PDIA4: variants seen among roughly 807,000 people sequenced by gnomAD.
PDIA4 encodes protein disulfide-isomerase A4.
A neutral mutation model predicts 62.1 loss-of-function variants in PDIA4; 33 were observed. That is an observed-to-expected ratio of 0.53 (90% CI 0.40 to 0.71). The LOEUF (loss-of-function observed/expected upper bound fraction) is 0.71, where lower values mean the gene tolerates loss of function less well. PDIA4 is among the 30% of genes least tolerant of loss of function. PDIA4 has a pLI of 0.00. For missense variants in PDIA4, 804 were observed against 813.6 expected (o/e 0.99, Z 0.14); for synonymous variants, 341 against 324.1 (o/e 1.05, Z -0.56).
At chr7:149,008,785 A>G (rs1404025476) in intron 6 of PDIA4, among the ~76,000 whole-genome samples, 2 of 152,044 alleles carry the variant, frequency 1.3e-5, no homozygotes, top group African/African-American at 4.8e-5. Context: ...CCTATAACTT[A>G]AACACTTGAA....
At chr7:149,020,597 G>A (rs1350987340) in intron 2 of PDIA4, among the ~76,000 whole-genome samples, 3 of 152,190 alleles carry the variant, frequency 2.0e-5, no homozygotes, top group African/African-American at 7.2e-5. Context: ...GAGGGAAGAG[G>A]AAGGCAGGGT....
chr7:149,015,101 C>T, intron 3 of PDIA4, 59 bp from the exon 4 acceptor site: 1 of 1,580,464 alleles, frequency 6.3e-7, no homozygotes, highest in Non-Finnish European at 8.7e-7. Flanking sequence ...CACTTCACCT[C>T]CCTCCAGAAG....
intron 2 of PDIA4, 122 bp downstream of exon 2, chr7:149,020,845 G>C (rs1824320158): frequency 1.4e-6 from 2 of 1,442,828 alleles, no homozygotes; most frequent in South Asian, 3.0e-5. Context: ...TAAAGCTAGA[G>C]TGCAAGTTCC....
intron 6 of PDIA4, among the ~76,000 whole-genome samples, chr7:149,009,051 C>T (rs1359186154): frequency 6.6e-6 from 1 of 152,196 alleles, no homozygotes; most frequent in Non-Finnish European, 1.5e-5. Context: ...CTGCCTCAGC[C>T]TCCCAAGTAG....
Position 149,008,222 on chromosome 7 carries a change from A to C in PDIA4, c.1068T>G (p.Val356=). ...KFLKVSQGQL[V]VMQPEKFQSK... ...ACTGGAATTTCTCAGGCTGCATTAC[A>C]ACCAACTGCCCCTGGGAGACTTTCA... is the stretch of plus-strand genomic sequence containing the variant. Residue 356 remains valine, a synonymous_variant, in exon 7 of 10, where the codon GTT becomes GTG. Transcript: ENST00000652332. 1 of 1,614,134 alleles carries C rather than the reference A, an allele frequency of 6.2e-7. No homozygotes were observed. Among genetic ancestry groups the C allele is most frequent in the Middle Eastern group, 1.7e-4 (1 of 6,060 alleles).
In PDIA4 at chr7:149,017,124, T is replaced by C. The variant is rs552513046; in HGVS notation, c.475+1868A>G. Among the ~76,000 whole-genome samples the C allele has an allele frequency of 2.1e-4, 32 of 151,918 alleles. No homozygotes were observed. The South Asian group carries it at 6.7e-3, about 32-fold the overall frequency. On this transcript the variant is annotated intron_variant, in intron 3 of 9. Transcript: ENST00000652332. ...AAGGCGCTCGTCCAGAACACAGGCC[T>C]ATCTTATGTCTATGAGGACCGGAAG...
At chr7:149,011,719 C>T (rs1585417336) in intron 6 of PDIA4, 127 bp downstream of exon 6, 3 of 727,132 alleles carry the variant, frequency 4.1e-6, no homozygotes, top group Non-Finnish European at 6.4e-6. Flanking sequence ...GAATGGAAAG[C>T]TTATTCCCAG....
At chr7:149,026,917 T>G (rs996851719) in intron 1 of PDIA4, among the ~76,000 whole-genome samples, 2 of 152,022 alleles carry the variant, frequency 1.3e-5, no homozygotes, top group Admixed American at 6.6e-5. Context: ...CTCTTCTGTG[T>G]TAAAGACCTC....
chr7:149,012,857 AACAGAAGAGCGTC>A (rs1274909689), intron 4 of PDIA4, among the ~76,000 whole-genome samples: 1 of 152,078 alleles, frequency 6.6e-6, no homozygotes, highest in African/African-American at 2.4e-5. Flanking sequence ...AGGCATGGAG[AACAGAAGAGCGTC>A]ACAAACCCTC....
At position 149,011,877 on chromosome 7, in the gene PDIA4, A is replaced by T. The variant is rs745923795; in HGVS notation, c.948T>A (p.Ser316Arg). 1.9e-6 allele frequency: 3 copies of T among 1,588,086 alleles called. No individual in the cohort carries two copies. Among genetic ancestry groups the T allele is most frequent in the African/African-American group, 2.7e-5 (2 of 74,136 alleles). The change falls in exon 6 of 10, where the codon AGT becomes AGA. Residue 316 changes from serine (S) to arginine (R), a missense_variant. Ser to Arg is a moderately radical substitution (Grantham distance 110). Coordinates refer to ENST00000652332, the MANE Select transcript of PDIA4 (RefSeq NM_004911.5). Reference sequence around the variant, plus strand: ...CCTGGTATTGCTGGTAGGCTGGGTCACTCTCCCCCTTAAAGACCCCGATGA... The same window carrying T: ...CCTGGTATTGCTGGTAGGCTGGGTCTCTCTCCCCCTTAAAGACCCCGATGA... ...VIIIGVFKGESDPAYQQYQDA... is the reference protein window; with the variant it reads ...VIIIGVFKGERDPAYQQYQDA...
Position 149,003,749 on chromosome 7 carries a change from A to G in PDIA4, c.*45T>C. On this transcript the variant is annotated 3_prime_UTR_variant, in exon 10 of 10. Transcript: ENST00000652332. ...GGCGTGGACGCCCCGACCATGGGCCACGCAGGGCGTCTGCCTCCTCCCACC... is the reference window on the plus strand; with the variant it reads ...GGCGTGGACGCCCCGACCATGGGCCGCGCAGGGCGTCTGCCTCCTCCCACC... The G allele has an allele frequency of 6.9e-7, 1 of 1,442,976 alleles. No homozygotes were observed. Among genetic ancestry groups the G allele is most frequent in the Non-Finnish European group, 9.2e-7 (1 of 1,089,290 alleles). The allele number at this position is 1,442,976 out of a possible 1,614,324, so 89.4% of individuals were successfully genotyped here.
At chr7:149,027,400 G>A (rs967018709) in intron 1 of PDIA4, among the ~76,000 whole-genome samples, 2 of 151,904 alleles carry the variant, frequency 1.3e-5, no homozygotes, top group African/African-American at 4.8e-5. Flanking sequence ...GTTTGAAAGA[G>A]TATAAAGTTC....
At chr7:149,008,055 G>C in intron 7 of PDIA4, 104 bp downstream of exon 7, 1 of 1,117,266 alleles carries the variant, frequency 9.0e-7, no homozygotes, top group Non-Finnish European at 1.3e-6. Flanking sequence ...AGACCCTGCA[G>C]ACAAGAGCGA....
rs184702376 is a variant in PDIA4, at chr7:149,028,480, G to C, written c.-72C>G. Reference sequence around the variant, plus strand: ...CGCACCGAGAACTCGGGGTCTGGCCGACAGCCCGTCGCTCCTTAGCGACGC... The same window carrying C: ...CGCACCGAGAACTCGGGGTCTGGCCCACAGCCCGTCGCTCCTTAGCGACGC... On this transcript the variant is annotated 5_prime_UTR_variant, in exon 1 of 10. Transcript: ENST00000652332. The C allele has an allele frequency of 7.4e-5, 80 of 1,079,630 alleles. No homozygotes were observed. In the African/African-American group the frequency reaches 1.3e-3, roughly 18 times the overall value. The allele number at this position is 1,079,630 out of a possible 1,614,324, so 66.9% of individuals were successfully genotyped here. A position where few individuals can be genotyped will look rare whatever the true frequency, so the allele number is the denominator to read the frequency against.
At position 149,012,280 on chromosome 7, in the gene PDIA4, A is replaced by T; in HGVS notation, c.695T>A (p.Leu232Gln). 6.2e-7 allele frequency: 1 copy of T among 1,614,056 alleles called. No individual in the cohort carries two copies. Among genetic ancestry groups the T allele is most frequent in the Non-Finnish European group, 8.5e-7 (1 of 1,179,994 alleles). ...ELSKRSPPIP[L>Q]AKVDATAETD... The stretch of plus-strand genomic sequence containing the variant: ...TTCTGCGGTGGCGTCGACCTTTGCC[A>T]GGGGAATTGGAGGAGAACGCTTGCT... The change falls in exon 5 of 10, where the codon CTG becomes CAG. Residue 232 changes from leucine (L) to glutamine (Q), a missense_variant. Leu to Gln is a moderately radical substitution (Grantham distance 113, BLOSUM62 -2). Transcript: ENST00000652332.
rs775982785 is a variant in PDIA4 at position 149,003,799 on chromosome 7, G to A, written c.1933C>T (p.Leu645Phe). 2.6e-6 allele frequency: 4 copies of A among 1,538,646 alleles called. No individual in the cohort carries two copies. Among genetic ancestry groups the A allele is most frequent in the Non-Finnish European group, 3.5e-6 (4 of 1,142,182 alleles). The part of the protein sequence containing the change: ...ATKLSRTKEE[L>F] ...CTTCCGCAGACCTCAGGCCTTCAAA[G>A]CTCTTCCTTGGTCCTGCTCAGTTTT... is the stretch of plus-strand genomic sequence containing the variant. Residue 645 changes from leucine to phenylalanine, a missense_variant, in exon 10 of 10, where the codon CTT becomes TTT. Physicochemically the swap from Leu to Phe is conservative, Grantham distance 22 (BLOSUM62 0). Coordinates refer to ENST00000652332, the MANE Select transcript of PDIA4 (RefSeq NM_004911.5).
intron 3 of PDIA4, 84 bp from the exon 4 acceptor site, chr7:149,015,126 G>A: frequency 7.0e-7 from 1 of 1,424,462 alleles, no homozygotes; most frequent in Non-Finnish European, 9.7e-7. Flanking sequence ...TGAGGAGGGG[G>A]AAGAAAGCAA....
At chr7:149,008,548 C>A (rs1044485527) in intron 6 of PDIA4, among the ~76,000 whole-genome samples, 3 of 151,892 alleles carry the variant, frequency 2.0e-5, no homozygotes, top group African/African-American at 7.3e-5. Flanking sequence ...ACTAAAAACA[C>A]AAACATTAGC....
At chr7:149,011,692 C>A (rs560339344) in intron 6 of PDIA4, among the ~76,000 whole-genome samples, 154 bp downstream of exon 6, 19 of 152,332 alleles carry the variant, frequency 1.2e-4, no homozygotes, top group African/African-American at 4.6e-4. Flanking sequence ...CCAGCCCCAG[C>A]CCCAACTCCA....
Sources: allele counts gnomAD v4.1 joint callset (sites outside exome capture counted in the v4.1 genomes callset), GRCh38; gene constraint gnomAD v4.1.1; transcripts MANE v1.5; gene names NCBI Gene and HGNC (gene_info 2026-07-23, HGNC 2026-07-21).